The following RASSF8 variants were observed in gnomAD, a reference collection of about 807,000 sequenced individuals.
RASSF8 encodes the protein Ras association domain family member 8, also known as ras association domain-containing protein 8.
In RASSF8, 22 loss-of-function variants were observed where a neutral mutation model predicts 48.5. The ratio of observed to expected loss-of-function variants is 0.45; its 90% CI spans 0.32 to 0.65. The LOEUF is 0.65. Among genes scored for constraint, RASSF8 ranks in the 30% least tolerant of loss-of-function variants. The probability of loss-of-function intolerance (pLI) is 0.03; values close to 1 mark genes in which losing one functional copy is unlikely to be tolerated. For synonymous variants in RASSF8, 127 were observed against 171.5 expected (o/e 0.74, Z 2.03); for missense variants, 418 against 489.2 (o/e 0.85, Z 1.37).
chr12:26,015,479 T>C (rs906099263), intron 2 of RASSF8, among the ~76,000 whole-genome samples: 8 of 152,330 alleles, frequency 5.3e-5, no homozygotes, highest in African/African-American at 1.9e-4. Context: ...AAATAGTTTA[T>C]GTCAAAATAT....
chr12:26,074,510 A>C (rs575546425), downstream of RASSF8, among the ~76,000 whole-genome samples: 1 of 144,652 alleles, frequency 6.9e-6, no homozygotes, highest in African/African-American at 2.5e-5. Context: ...GCCCAGCCAA[A>C]TTTTTTTTTT....
Position 26,008,045 on chromosome 12 carries a change from G to A in RASSF8, c.-109+12915G>A, listed in dbSNP as rs534610008. 8.5e-4 allele frequency among the ~76,000 whole-genome samples: 129 copies of A among 152,208 alleles called. No homozygotes were observed. In the South Asian group the frequency reaches 0.014, roughly 17 times the overall value. ...TCCCAGCACTTTGGGAGGCCGAGGCGGGCAGATCTCAAGGTCAGGAGACCG... is the reference window on the plus strand; with the variant it reads ...TCCCAGCACTTTGGGAGGCCGAGGCAGGCAGATCTCAAGGTCAGGAGACCG... On this transcript the variant is annotated intron_variant, in intron 2 of 5. Transcript: ENST00000689635.
intron 2 of RASSF8, among the ~76,000 whole-genome samples, chr12:26,046,396 G>C (rs1193880319): frequency 2.0e-5 from 3 of 152,212 alleles, no homozygotes; most frequent in African/African-American, 7.2e-5. Flanking sequence ...GGGTAACCCT[G>C]AGTAAGTTAC....
At chr12:26,039,719 A>G (rs1051904744) in intron 2 of RASSF8, among the ~76,000 whole-genome samples, 1 of 152,180 alleles carries the variant, frequency 6.6e-6, no homozygotes, top group African/African-American at 2.4e-5. Context: ...TTTTCATTCA[A>G]TGTTTTTGCC....
At chr12:26,029,201 A>T (rs1209956288) in intron 2 of RASSF8, among the ~76,000 whole-genome samples, 1 of 152,188 alleles carries the variant, frequency 6.6e-6, no homozygotes, top group African/African-American at 2.4e-5. Context: ...TTAGCCTCTC[A>T]GGCTGTTTGC....
chr12:26,058,559 CACAG>C (rs1400579652), intron 3 of RASSF8, among the ~76,000 whole-genome samples: 258 of 146,082 alleles, frequency 1.8e-3, no homozygotes, highest in African/African-American at 5.9e-3. Context: ...CACACACACA[CACAG>C]AGTGTATTCT....
chr12:26,078,998 T>G, intron 5 of RASSF8: 1 of 1,529,622 alleles, frequency 6.5e-7, no homozygotes, highest in Non-Finnish European at 8.8e-7. Context: ...CCTTAACTCT[T>G]TTTTGTTGTT....
intron 2 of RASSF8, among the ~76,000 whole-genome samples, chr12:26,039,578 A>C (rs992379297): frequency 1.3e-5 from 2 of 152,204 alleles, no homozygotes; most frequent in Non-Finnish European, 2.9e-5. Flanking sequence ...TCAGAGAAAA[A>C]AAACCCAGAA....
chr12:25,994,892 A>T (rs3803008), intron 1 of RASSF8, 145 bp from the exon 2 acceptor site: 29,160 of 152,244 alleles, frequency 0.19, 2,896 homozygotes, highest in East Asian at 0.24. Context: ...AAGAGTGGGG[A>T]CAGGGGAGGA....
At chr12:26,013,433 G>A (rs1175273755) in intron 2 of RASSF8, among the ~76,000 whole-genome samples, 1 of 152,174 alleles carries the variant, frequency 6.6e-6, no homozygotes, top group Admixed American at 6.5e-5. Flanking sequence ...GGATTATATG[G>A]TGCTGTGAAC....
chr12:26,017,410 G>A (rs1942676549), intron 2 of RASSF8, among the ~76,000 whole-genome samples: 1 of 152,186 alleles, frequency 6.6e-6, no homozygotes. Context: ...ACTAGCAGAT[G>A]TAATATTATA....
At chr12:25,970,978 C>CCTT (rs1281705966) in intron 1 of RASSF8, among the ~76,000 whole-genome samples, 1 of 152,162 alleles carries the variant, frequency 6.6e-6, no homozygotes, top group Non-Finnish European at 1.5e-5. Flanking sequence ...GGTGATCGTG[C>CCTT]CTTCCTTCTA....
At position 26,063,193 on chromosome 12, in the gene RASSF8, G is replaced by A. The variant is rs185145326; in HGVS notation, c.104-1305G>A. Among the ~76,000 whole-genome samples the A allele has an allele frequency of 7.3e-3, 1,115 of 151,782 alleles. 12 individuals carry two copies. The highest frequency in any genetic ancestry group is 0.025 in the African/African-American group (1,043 of 41,142). ...ACAAGTATAATTGCTGGATGGCAGC[G>A]TTGGTTTTTTTTCTTTGTAATTATT... On this transcript the variant is annotated intron_variant, in intron 3 of 5. Transcript: ENST00000689635.
intron 3 of RASSF8, among the ~76,000 whole-genome samples, chr12:26,056,046 G>A (rs929829965): frequency 3.3e-5 from 5 of 152,074 alleles, no homozygotes; most frequent in African/African-American, 7.2e-5. Flanking sequence ...TTAGCCGGGC[G>A]TGGTGGTGCG....
intron 1 of RASSF8, among the ~76,000 whole-genome samples, chr12:25,988,934 T>G (rs752185989): frequency 5.3e-5 from 8 of 152,242 alleles, no homozygotes; most frequent in Non-Finnish European, 1.0e-4. Context: ...TGTAATTTTC[T>G]TCACTTAACT....
chr12:26,016,339 T>C (rs1233019203), intron 2 of RASSF8, among the ~76,000 whole-genome samples: 1 of 152,114 alleles, frequency 6.6e-6, no homozygotes, highest in Non-Finnish European at 1.5e-5. Flanking sequence ...GTTATAGTGG[T>C]CCTTTAAATA....
At chr12:26,039,274 C>G (rs926508653) in intron 2 of RASSF8, among the ~76,000 whole-genome samples, 7 of 152,174 alleles carry the variant, frequency 4.6e-5, no homozygotes, top group African/African-American at 1.7e-4. Context: ...AACGTGATCT[C>G]TCTGTCTGCT....
At chr12:26,058,135 C>G (rs1943651045) in intron 3 of RASSF8, among the ~76,000 whole-genome samples, 1 of 147,160 alleles carries the variant, frequency 6.8e-6, no homozygotes, top group Non-Finnish European at 1.6e-5. Flanking sequence ...CTCAATAACT[C>G]AATCCAAGAG....
chr12:26,042,919 T>A (rs528243995), intron 2 of RASSF8, among the ~76,000 whole-genome samples: 1 of 152,182 alleles, frequency 6.6e-6, no homozygotes, highest in Non-Finnish European at 1.5e-5. Context: ...GCAGTACTGC[T>A]TAAAATACTC....
Sources: allele counts gnomAD v4.1 joint callset (sites outside exome capture counted in the v4.1 genomes callset), GRCh38; gene constraint gnomAD v4.1.1; transcripts MANE v1.5; gene names NCBI Gene and HGNC (gene_info 2026-07-23, HGNC 2026-07-21).